Variants in GOLGA8A observed in about 807,000 individuals in gnomAD.
The protein encoded by GOLGA8A is golgin subfamily A member 8A.
GOLGA8A carries 3 observed loss-of-function variants against 22.1 expected under a neutral mutation model. The observed-to-expected ratio is 0.14, with a 90% confidence interval of 0.06 to 0.35. GOLGA8A has a LOEUF of 0.35. GOLGA8A is among the 10% of genes least tolerant of loss of function. The pLI is 1.00. For synonymous variants in GOLGA8A, 7 were observed against 91.7 expected (o/e 0.08, Z 5.28); for missense variants, 16 against 233.2 (o/e 0.07, Z 6.07).
intron 2 of GOLGA8A, among the ~76,000 whole-genome samples, chr15:34,432,426 C>T (rs1893299263): frequency 6.7e-6 from 1 of 149,000 alleles, no homozygotes; most frequent in Non-Finnish European, 1.5e-5. Flanking sequence ...ACTCAAAGGC[C>T]AGCACTGCCC....
intron 2 of GOLGA8A, among the ~76,000 whole-genome samples, chr15:34,429,792 C>T (rs978397555): frequency 6.8e-6 from 1 of 147,338 alleles, no homozygotes; most frequent in African/African-American, 2.5e-5. Flanking sequence ...GGTACCTGCT[C>T]CCGGTTGTAC....
chr15:34,416,216 G>A (rs201810143), intron 2 of GOLGA8A: 1 of 151,020 alleles, frequency 6.6e-6, no homozygotes, highest in Non-Finnish European at 1.5e-5. Context: ...CTCCAAAGAT[G>A]AAGCCTGAGT....
chr15:34,418,427 T>C (rs1166222811), intron 2 of GOLGA8A: 1 of 142,932 alleles, frequency 7.0e-6, no homozygotes, highest in Non-Finnish European at 1.5e-5. Flanking sequence ...GTGAATGTTA[T>C]GGTCTTGATT....
Position 34,432,627 on chromosome 15 carries a change from C to G in GOLGA8A, c.-1123+2756G>C, listed in dbSNP as rs146580142. On this transcript the variant is annotated intron_variant, in intron 2 of 24. Coordinates refer to ENST00000359187, the MANE Select transcript of GOLGA8A (RefSeq NM_181077.5). ...TGTTTCATTCCAGTGGTTTCGCCAT[C>G]AAAACCATCTTTAAATGTTGGAGTG... Among the ~76,000 whole-genome samples the G allele has an allele frequency of 4.1e-3, 613 of 149,510 alleles. 45 individuals are homozygous for G. The highest frequency in any genetic ancestry group is 0.014 in the African/African-American group (578 of 40,552).
At chr15:34,425,250 C>G (rs8035978) in intron 2 of GOLGA8A, among the ~76,000 whole-genome samples, 53,758 of 146,610 alleles carry the variant, frequency 0.37, 12,343 homozygotes, top group African/African-American at 0.44. Flanking sequence ...AGTGGCACAA[C>G]AATAAAGCAG....
chr15:34,431,865 T>A (rs1403934745), intron 2 of GOLGA8A, among the ~76,000 whole-genome samples: 1 of 149,074 alleles, frequency 6.7e-6, no homozygotes, highest in Admixed American at 6.8e-5. Context: ...GCAATAGGAA[T>A]TTTTGAGCCC....
chr15:34,393,731 G>GT (rs1250358617), intron 8 of GOLGA8A, among the ~76,000 whole-genome samples: 1 of 146,002 alleles, frequency 6.8e-6, no homozygotes, highest in Non-Finnish European at 1.5e-5. Flanking sequence ...GGGCTCTAGT[G>GT]TGATGTATTT....
chr15:34,379,978 T>A lies in GOLGA8A; in HGVS notation c.*1433A>T, dbSNP rs992913728. 2.6e-5 allele frequency: 4 copies of A among 152,648 alleles called. No individual in the cohort carries two copies. The highest frequency in any genetic ancestry group is 9.6e-5 in the African/African-American group (4 of 41,456). 9.5% of individuals were successfully genotyped at this position (152,648 alleles called of 1,614,324 possible). The stretch of plus-strand genomic sequence containing the variant: ...ACAACTCTGCGATCGTATAGACATG[T>A]TTCCTGATAATACAGACATTCACAA... On this transcript the variant is annotated 3_prime_UTR_variant, in exon 25 of 25. Coordinates refer to ENST00000359187, the MANE Select transcript of GOLGA8A (RefSeq NM_181077.5).
At chr15:34,386,160 CAA>C (rs1292232002) in intron 12 of GOLGA8A, among the ~76,000 whole-genome samples, 2 of 147,828 alleles carry the variant, frequency 1.4e-5, no homozygotes, top group African/African-American at 5.3e-5. Flanking sequence ...AAAGAACAGA[CAA>C]GAGCCCTTGG....
chr15:34,428,018 C>A (rs768224998), intron 2 of GOLGA8A, among the ~76,000 whole-genome samples: 9 of 148,542 alleles, frequency 6.1e-5, no homozygotes, highest in Non-Finnish European at 1.2e-4. Context: ...CAAGATGATA[C>A]AAAGGTCTAA....
intron 2 of GOLGA8A, among the ~76,000 whole-genome samples, chr15:34,420,747 G>C (rs142520241): frequency 9.9e-6 from 1 of 101,356 alleles, no homozygotes; most frequent in African/African-American, 3.6e-5. Flanking sequence ...AGCGTCACCC[G>C]AGTGCTCCCG....
At chr15:34,436,539 C>T (rs771270968) in intron 1 of GOLGA8A, among the ~76,000 whole-genome samples, 3 of 149,956 alleles carry the variant, frequency 2.0e-5, no homozygotes, top group Non-Finnish European at 4.5e-5. Flanking sequence ...ACTAGCAGGC[C>T]CCTCTAAGGC....
Position 34,433,956 on chromosome 15 carries a change from G to A in GOLGA8A, c.-1123+1427C>T, listed in dbSNP as rs550658963. Among the ~76,000 whole-genome samples, 13 of 149,578 alleles carry A rather than the reference G, an allele frequency of 8.7e-5. 1 individual carries two copies. In the East Asian group the frequency reaches 2.6e-3, roughly 29 times the overall value. ...GAGGGGCCGGCCAGGTGGGCATCTG[G>A]GGGTGGCTGATGCCAAGGGGGTGGG... On this transcript the variant is annotated intron_variant, in intron 2 of 24. Coordinates refer to ENST00000359187, the MANE Select transcript of GOLGA8A (RefSeq NM_181077.5).
At chr15:34,427,575 G>A (rs951708637) in intron 2 of GOLGA8A, among the ~76,000 whole-genome samples, 1 of 148,318 alleles carries the variant, frequency 6.7e-6, no homozygotes, top group Admixed American at 6.8e-5. Flanking sequence ...TGGGGCCGCA[G>A]AATTCAGCAG....
intron 2 of GOLGA8A, chr15:34,428,988 C>G (rs748088801): frequency 1.3e-5 from 2 of 148,510 alleles, no homozygotes; most frequent in Non-Finnish European, 3.0e-5. Context: ...CCTACAGAAC[C>G]CAGTGGGGAG....
chr15:34,420,425 C>A (rs1352223465), intron 2 of GOLGA8A, among the ~76,000 whole-genome samples: 1 of 148,276 alleles, frequency 6.7e-6, no homozygotes, highest in African/African-American at 2.5e-5. Context: ...CGGAGGGCTG[C>A]CCTGTTGACA....
chr15:34,428,109 T>TCTCCTTCAAATCA (rs1174620904), intron 2 of GOLGA8A, among the ~76,000 whole-genome samples: 8 of 146,186 alleles, frequency 5.5e-5, no homozygotes, highest in Non-Finnish European at 6.0e-5. Context: ...TTTTTTTTTT[T>TCTCCTTCAAATCA]GAGAGAGAGA....
intron 1 of GOLGA8A, among the ~76,000 whole-genome samples, chr15:34,436,031 G>A (rs1160976127): frequency 2.0e-5 from 3 of 149,000 alleles, no homozygotes; most frequent in Non-Finnish European, 3.0e-5. Flanking sequence ...CCAGGAATCA[G>A]CGCAGAGTGC....
chr15:34,435,147 C>G (rs566212110), intron 2 of GOLGA8A, among the ~76,000 whole-genome samples: 1 of 149,310 alleles, frequency 6.7e-6, no homozygotes, highest in Admixed American at 6.7e-5. Context: ...GGAGGAGTGC[C>G]GGAGAGGAGC....
Sources: gnomAD v4.1 joint callset for allele counts (sites outside exome capture counted in the v4.1 genomes callset) on GRCh38, gnomAD v4.1.1 for gene constraint, MANE v1.5 for transcripts, NCBI Gene and HGNC (gene_info 2026-07-23, HGNC 2026-07-21) for gene names.